Variants in ZNF705G observed in about 807,000 individuals in gnomAD.
ZNF705G encodes zinc finger protein 705G.
A neutral mutation model predicts 19.6 loss-of-function variants in ZNF705G; 23 were observed. That is an observed-to-expected ratio of 1.17 (90% confidence interval 0.84 to 1.66). The LOEUF (loss-of-function observed/expected upper bound fraction) is 1.66, where lower values mean the gene tolerates loss of function less well. Ranked by LOEUF, ZNF705G falls within the 40% of genes most tolerant of loss-of-function variation. The probability of loss-of-function intolerance (pLI) is 0.00; values close to 1 mark genes in which losing one functional copy is unlikely to be tolerated. For missense variants in ZNF705G, 457 were observed against 354.4 expected (o/e 1.29, Z -2.32); for synonymous variants, 146 against 117.7 (o/e 1.24, Z -1.56).
chr8:7,369,087 C>G (rs1806983653), intron 2 of ZNF705G, among the ~76,000 whole-genome samples: 1 of 149,510 alleles, frequency 6.7e-6, no homozygotes, highest in African/African-American at 2.6e-5. Context: ...CTGGTTTCCC[C>G]TTATCAAACC....
At chr8:7,365,519 C>G (rs1240539595) in intron 2 of ZNF705G, among the ~76,000 whole-genome samples, 1 of 148,894 alleles carries the variant, frequency 6.7e-6, no homozygotes, top group Non-Finnish European at 1.5e-5. Context: ...GCTGGGATGA[C>G]AGGCTTGCGC....
At chr8:7,370,042 G>A (rs1376319365) in intron 2 of ZNF705G, among the ~76,000 whole-genome samples, 1 of 94,596 alleles carries the variant, frequency 1.1e-5, no homozygotes, top group Non-Finnish European at 2.1e-5. Flanking sequence ...AATAAAAGTT[G>A]AATTTTTTTT....
In ZNF705G at chr8:7,362,059, G is replaced by C. The variant is rs1459533594; in HGVS notation, c.13-823C>G. 4.0e-5 allele frequency among the ~76,000 whole-genome samples: 6 copies of C among 149,522 alleles called. 1 individual carries two copies. In the South Asian group the frequency reaches 1.3e-3, roughly 31 times the overall value. ...CTTTCTCTCGGCAATCCAAACATCA[G>C]TTATCATCGTTTCTCTTTTAAATTT... On this transcript the variant is annotated intron_variant, in intron 3 of 6. Coordinates refer to ENST00000400156, the MANE Select transcript of ZNF705G (RefSeq NM_001164457.3).
chr8:7,367,987 A>G (rs1806937088), intron 2 of ZNF705G, among the ~76,000 whole-genome samples: 1 of 149,556 alleles, frequency 6.7e-6, no homozygotes, highest in Admixed American at 6.6e-5. Context: ...TCTACCTTCC[A>G]AGGCAAGTCC....
At chr8:7,362,467 G>T (rs929448147) in intron 3 of ZNF705G, among the ~76,000 whole-genome samples, 3 of 149,590 alleles carry the variant, frequency 2.0e-5, no homozygotes, top group Non-Finnish European at 2.9e-5. Flanking sequence ...CAGACTCATT[G>T]TTGGGCTGTG....
intron 2 of ZNF705G, among the ~76,000 whole-genome samples, chr8:7,364,989 C>A (rs1209322728): frequency 6.7e-6 from 1 of 149,564 alleles, no homozygotes; most frequent in East Asian, 1.9e-4. Flanking sequence ...AAGATTTGGG[C>A]TTTAGAGAAT....
intron 1 of ZNF705G, among the ~76,000 whole-genome samples, chr8:7,382,378 A>T (rs1156604326): frequency 6.8e-6 from 1 of 146,712 alleles, no homozygotes. Context: ...GTGGATTTTC[A>T]TTTCTGCTTA....
chr8:7,361,800 C>T (rs1336227151), intron 3 of ZNF705G, among the ~76,000 whole-genome samples: 1 of 145,740 alleles, frequency 6.9e-6, no homozygotes, highest in Non-Finnish European at 1.5e-5. Context: ...GTCCCTTATT[C>T]ATTAAAAAGT....
At chr8:7,364,687 A>T (rs1289395096) in intron 2 of ZNF705G, among the ~76,000 whole-genome samples, 1 of 149,674 alleles carries the variant, frequency 6.7e-6, no homozygotes, top group Non-Finnish European at 1.5e-5. Context: ...TTACTGCCAC[A>T]TTTAATGCAC....
rs756544348 is a variant in ZNF705G, at chr8:7,360,670, C to T, written c.140-338G>A. ...CACAGTGTGTTTACTATTATTCTCA[C>T]GCACAACAAAAAAAAACATTCGATT... is the stretch of plus-strand genomic sequence containing the variant. On this transcript the variant is annotated intron_variant, in intron 4 of 6. Coordinates refer to ENST00000400156, the MANE Select transcript of ZNF705G (RefSeq NM_001164457.3). 2.3e-4 allele frequency among the ~76,000 whole-genome samples: 35 copies of T among 149,418 alleles called. 1 individual carries two copies. The highest frequency in any genetic ancestry group is 1.1e-3 in the Admixed American group (16 of 15,218).
chr8:7,382,567 T>C, intron 1 of ZNF705G, among the ~76,000 whole-genome samples: 1 of 146,520 alleles, frequency 6.8e-6, no homozygotes, highest in Non-Finnish European at 1.5e-5. Context: ...TTCCATTCTA[T>C]AAAAAAGTTT....
chr8:7,361,939 G>A (rs1199711923), intron 3 of ZNF705G, among the ~76,000 whole-genome samples: 2 of 149,532 alleles, frequency 1.3e-5, no homozygotes, highest in East Asian at 1.9e-4. Flanking sequence ...AAGGCTTAAA[G>A]ACAGTCTAGC....
intron 3 of ZNF705G, among the ~76,000 whole-genome samples, chr8:7,362,193 T>G (rs1806633411): frequency 1.3e-5 from 2 of 149,710 alleles, no homozygotes; most frequent in South Asian, 2.1e-4. Context: ...CTCTATCTAC[T>G]ATATTCCTTC....
chr8:7,361,074 G>T, intron 4 of ZNF705G, 36 bp downstream of exon 4: 14 of 1,592,768 alleles, frequency 8.8e-6, no homozygotes, highest in Non-Finnish European at 1.2e-5. Context: ...GAGTGAATGT[G>T]TCTCTACATA....
In ZNF705G at chr8:7,359,568, A is replaced by C. The variant is rs1806473178; in HGVS notation, c.318+51T>G. 4 of 1,601,982 alleles carry C rather than the reference A, an allele frequency of 2.5e-6. 1 individual carries two copies. In the African/African-American group the frequency reaches 4.3e-5, roughly 17 times the overall value. On this transcript the variant is annotated intron_variant, in intron 6 of 6. Transcript: ENST00000400156. ...TTGTGCTTCATTACTAACTTAATCC[A>C]TTAACATGTCTTTAACTTAGATGAC...
At chr8:7,379,247 G>T (rs1450083051) in intron 2 of ZNF705G, among the ~76,000 whole-genome samples, 2 of 147,642 alleles carry the variant, frequency 1.4e-5, no homozygotes, top group Non-Finnish European at 2.9e-5. Flanking sequence ...AAATCTCGGA[G>T]ATTGAGATAT....
Position 7,368,102 on chromosome 8 carries a change from A to G in ZNF705G, c.-71-5085T>C, listed in dbSNP as rs186791047. On this transcript the variant is annotated intron_variant, in intron 2 of 6. Coordinates refer to ENST00000400156, the MANE Select transcript of ZNF705G (RefSeq NM_001164457.3). Reference sequence around the variant, plus strand: ...TTGGCTTCCCCTTATATATGAAAAAAAAATTAATAAACCGAATCACCACTA... The same window carrying G: ...TTGGCTTCCCCTTATATATGAAAAAGAAATTAATAAACCGAATCACCACTA... 5.0e-3 allele frequency among the ~76,000 whole-genome samples: 740 copies of G among 149,472 alleles called. 80 individuals are homozygous for G. The highest frequency in any genetic ancestry group is 0.018 in the African/African-American group (692 of 38,916).
At chr8:7,370,099 T>C (rs1426229446) in intron 2 of ZNF705G, among the ~76,000 whole-genome samples, 1 of 146,084 alleles carries the variant, frequency 6.8e-6, no homozygotes, top group Non-Finnish European at 1.5e-5. Flanking sequence ...CTGTCTCCAC[T>C]GGAAAAAAAA....
At chr8:7,365,621 C>T (rs1415483908) in intron 2 of ZNF705G, among the ~76,000 whole-genome samples, 40 of 149,276 alleles carry the variant, frequency 2.7e-4, no homozygotes, top group Non-Finnish European at 5.3e-4. Flanking sequence ...CCGCCAGCCT[C>T]CGCCTCTCAA....
Sources: gnomAD v4.1 joint callset for allele counts (sites outside exome capture counted in the v4.1 genomes callset) on GRCh38, gnomAD v4.1.1 for gene constraint, MANE v1.5 for transcripts, NCBI Gene and HGNC (gene_info 2026-07-23, HGNC 2026-07-21) for gene names.